The following KLHL3 variants were observed in gnomAD, a reference collection of about 807,000 sequenced individuals.
KLHL3 encodes kelch like family member 3.
Under a neutral mutation model 70.5 loss-of-function variants are expected in KLHL3, and 19 were observed. The ratio of observed to expected loss-of-function variants is 0.27; its 90% confidence interval spans 0.19 to 0.40. The LOEUF is 0.40. KLHL3 is among the 10% of genes least tolerant of loss of function. KLHL3 has a pLI of 1.00. For synonymous variants in KLHL3, 258 were observed against 290.3 expected, an observed-to-expected ratio of 0.89 and a Z score of 1.13; for missense variants, 512 against 771.1, an observed-to-expected ratio of 0.66 and a Z score of 3.98.
At chr5:137,640,736 C>T (rs1025558724) in intron 8 of KLHL3, among the ~76,000 whole-genome samples, 1 of 151,518 alleles carries the variant, frequency 6.6e-6, no homozygotes, top group East Asian at 1.9e-4. Context: ...GCCAGCCACC[C>T]CCCCCAACTC....
At chr5:137,683,494 G>A (rs1752085125) in intron 5 of KLHL3, among the ~76,000 whole-genome samples, 1 of 152,132 alleles carries the variant, frequency 6.6e-6, no homozygotes, top group Non-Finnish European at 1.5e-5. Flanking sequence ...AGAGGCCAGA[G>A]GCAAGCTTCC....
chr5:137,628,246 G>A (rs762198769), intron 13 of KLHL3, 51 bp downstream of exon 13: 6 of 1,604,508 alleles, frequency 3.7e-6, no homozygotes, highest in Non-Finnish European at 5.1e-6. Context: ...GTGTCTTCAG[G>A]GAGAAAAGGC....
intron 11 of KLHL3, 35 bp downstream of exon 11, chr5:137,637,248 CCGTGGGCCAGG>C: frequency 6.6e-7 from 1 of 1,526,272 alleles, no homozygotes; most frequent in East Asian, 2.3e-5. Flanking sequence ...AGGACAAGGC[CCGTGGGCCAGG>C]TAGGCCTGGC....
rs114830122 is a variant in KLHL3 at position 137,718,795 on chromosome 5, C to G, written c.134+1670G>C. Among the ~76,000 whole-genome samples, 1,062 of 152,368 alleles carry G rather than the reference C, an allele frequency of 7.0e-3. 11 individuals carry two copies. Among genetic ancestry groups the G allele is most frequent in the African/African-American group, 0.023 (971 of 41,596 alleles). On this transcript the variant is annotated intron_variant, in intron 2 of 14. Coordinates refer to ENST00000309755, the MANE Select transcript of KLHL3 (RefSeq NM_017415.3). ...CATCAGCACAGCCTGATGCCTAAGACAGCTATGGGCAGAGCTTCCAGGAAA... is the reference window on the plus strand; with the variant it reads ...CATCAGCACAGCCTGATGCCTAAGAGAGCTATGGGCAGAGCTTCCAGGAAA...
chr5:137,713,035 G>A (rs1752825711), intron 2 of KLHL3, among the ~76,000 whole-genome samples: 1 of 150,580 alleles, frequency 6.6e-6, no homozygotes, highest in African/African-American at 2.4e-5. Context: ...TTTTGAACAT[G>A]TTAAGTTTGA....
chr5:137,645,537 GA>G (rs981181470), intron 8 of KLHL3, among the ~76,000 whole-genome samples: 11 of 150,396 alleles, frequency 7.3e-5, no homozygotes, highest in African/African-American at 2.7e-4. Flanking sequence ...AAGAAATAAA[GA>G]AAAAAACTCA....
intron 12 of KLHL3, chr5:137,630,068 C>T (rs1750596487): frequency 6.6e-6 from 1 of 152,180 alleles, no homozygotes; most frequent in Non-Finnish European, 1.5e-5. Context: ...GGCCTTTGGT[C>T]TCTGGGTCTT....
intron 3 of KLHL3, among the ~76,000 whole-genome samples, chr5:137,703,154 A>T (rs1752605792): frequency 6.6e-6 from 1 of 152,126 alleles, no homozygotes; most frequent in African/African-American, 2.4e-5. Flanking sequence ...ACCCCTACAT[A>T]GTTATATGTC....
intron 2 of KLHL3, among the ~76,000 whole-genome samples, chr5:137,718,882 G>A (rs1024812411): frequency 6.6e-6 from 1 of 152,226 alleles, no homozygotes; most frequent in Non-Finnish European, 1.5e-5. Context: ...ATTTAACTTG[G>A]TTATTAATGC....
At chr5:137,706,177 A>T in intron 3 of KLHL3, 1 of 985,462 alleles carries the variant, frequency 1.0e-6, no homozygotes, top group Admixed American at 6.1e-5. Context: ...AAAACATTTA[A>T]GCTTGAGTAA....
At chr5:137,730,337 G>A (rs946474330) in intron 1 of KLHL3, among the ~76,000 whole-genome samples, 10 of 152,054 alleles carry the variant, frequency 6.6e-5, no homozygotes, top group Non-Finnish European at 1.5e-4. Flanking sequence ...AACCAAACCA[G>A]GCCAAATGAA....
At chr5:137,715,191 C>A (rs1231592386) in intron 2 of KLHL3, among the ~76,000 whole-genome samples, 1 of 152,216 alleles carries the variant, frequency 6.6e-6, no homozygotes, top group Non-Finnish European at 1.5e-5. Flanking sequence ...ACTATGCCAA[C>A]AGCCATTCTC....
At chr5:137,691,348 T>C (rs1232947165) in intron 5 of KLHL3, among the ~76,000 whole-genome samples, 1 of 152,200 alleles carries the variant, frequency 6.6e-6, no homozygotes, top group Non-Finnish European at 1.5e-5. Context: ...TGGCTGCATG[T>C]GTATAAAGGG....
chr5:137,712,000 A>G (rs1752800939), intron 2 of KLHL3, among the ~76,000 whole-genome samples: 1 of 140,962 alleles, frequency 7.1e-6, no homozygotes, highest in Non-Finnish European at 1.6e-5. Context: ...CTAAAAATAC[A>G]AAAAAAAAAA....
rs747859529 is a variant in KLHL3 at position 137,639,945 on chromosome 5, C to T, written c.936G>A (p.Lys312=). 5.0e-6 allele frequency: 8 copies of T among 1,614,050 alleles called. No individual in the cohort carries two copies. The East Asian group carries it at 1.3e-4, about 27-fold the overall frequency. Residue 312 remains lysine, a synonymous_variant, in exon 9 of 15, where the codon AAG becomes AAA. Transcript: ENST00000309755. The surrounding 1 kb of genome is among the most constrained non-coding windows in gnomAD (Gnocchi z 5.0). The part of the protein sequence containing the change: ...VMIVVGGQAP[K]AIRSVECYDF... ...CATAGCACTCCACACTGCGGATTGCCTTGGGTGCCTGGCCGCCAACCACAA... is the reference window on the plus strand; with the variant it reads ...CATAGCACTCCACACTGCGGATTGCTTTGGGTGCCTGGCCGCCAACCACAA...
intron 2 of KLHL3, among the ~76,000 whole-genome samples, chr5:137,710,988 C>T (rs1002222569): frequency 2.6e-5 from 4 of 152,156 alleles, no homozygotes; most frequent in African/African-American, 9.7e-5. Context: ...CCACTCATCC[C>T]TCCTTGAGAT....
intron 3 of KLHL3, chr5:137,707,437 A>G (rs1752706753): frequency 6.6e-6 from 1 of 152,268 alleles, no homozygotes; most frequent in South Asian, 2.1e-4. Context: ...TGTCTCAAAA[A>G]AAAAAGACTA....
intron 7 of KLHL3, 28 bp downstream of exon 7, chr5:137,661,887 A>G (rs767215322): frequency 1.8e-5 from 22 of 1,253,236 alleles, no homozygotes; most frequent in Non-Finnish European, 2.5e-5. Flanking sequence ...TGAACACAGA[A>G]GTGCTTGGCT....
intron 8 of KLHL3, among the ~76,000 whole-genome samples, chr5:137,640,594 T>C (rs1304908843): frequency 6.6e-6 from 1 of 152,180 alleles, no homozygotes; most frequent in African/African-American, 2.4e-5. Context: ...ACCACAACTG[T>C]GAGGTAGATA....
Sources: allele counts gnomAD v4.1 joint callset (sites outside exome capture counted in the v4.1 genomes callset), GRCh38; gene constraint gnomAD v4.1.1; non-coding constraint Gnocchi (gnomAD v3.1); transcripts MANE v1.5; gene names NCBI Gene and HGNC (gene_info 2026-07-23, HGNC 2026-07-21).